Variants in FGF13 observed in about 807,000 individuals in gnomAD.
The protein encoded by FGF13 is fibroblast growth factor 13, also known as fibroblast growth factor homologous factor 2.
Under a neutral mutation model 19.5 loss-of-function variants are expected in FGF13, and 2 were observed. The observed-to-expected ratio is 0.10, with a 90% CI of 0.04 to 0.32. FGF13 has a LOEUF of 0.32. FGF13 is among the 10% of genes least tolerant of loss of function. The pLI is 1.00. For missense variants in FGF13, 113 were observed against 192.7 expected, an observed-to-expected ratio of 0.59 and a Z score of 2.45; for synonymous variants, 72 against 76.9, an observed-to-expected ratio of 0.94 and a Z score of 0.33.
chrX:138,955,792 T>A (rs2091838309), intron 1 of FGF13, among the ~76,000 whole-genome samples: 1 of 112,289 alleles, frequency 8.9e-6, no homozygotes, highest in Admixed American at 9.4e-5. Context: ...AGTCTTCAAC[T>A]CAGGAAGTCT....
intron 1 of FGF13, among the ~76,000 whole-genome samples, chrX:139,084,697 T>C (rs780316686): frequency 8.9e-5 from 10 of 112,045 alleles, no homozygotes; most frequent in Admixed American, 3.8e-4. Context: ...AAAACATTGG[T>C]CCTGGGGGCT....
chrX:139,074,310 G>A (rs956734002), intron 1 of FGF13, among the ~76,000 whole-genome samples: 1 of 112,477 alleles, frequency 8.9e-6, no homozygotes, highest in African/African-American at 3.2e-5. Context: ...TAAATCAAGT[G>A]TGGACATAAA....
intron 2 of FGF13, among the ~76,000 whole-genome samples, chrX:138,860,112 A>AT (rs1334333666): frequency 8.9e-6 from 1 of 111,828 alleles, no homozygotes; most frequent in Non-Finnish European, 1.9e-5. Context: ...AGAAACACTG[A>AT]TTTTTTTAAA....
intron 1 of FGF13, among the ~76,000 whole-genome samples, chrX:138,719,295 T>C (rs1457706242): frequency 8.9e-6 from 1 of 112,066 alleles, no homozygotes; most frequent in Non-Finnish European, 1.9e-5. Flanking sequence ...AAATAATACA[T>C]ATGATCTATG....
At chrX:138,773,035 T>TAAAAAAA (rs752536704) in intron 3 of FGF13, among the ~76,000 whole-genome samples, 2 of 97,099 alleles carry the variant, frequency 2.1e-5, no homozygotes, top group Non-Finnish European at 4.2e-5. Context: ...CTATATTTAG[T>TAAAAAAA]AAAAAAAAAA....
chrX:138,666,944 G>C lies in FGF13; in HGVS notation c.403-31289C>G, dbSNP rs1276448708. Reference sequence around the variant, plus strand: ...ATTACTATTCAACCACTAAAATGTAGATTAAGAATAATATTTTAATATATA... The same window carrying C: ...ATTACTATTCAACCACTAAAATGTACATTAAGAATAATATTTTAATATATA... On this transcript the variant is annotated intron_variant, in intron 3 of 4. Transcript: ENST00000315930. Among the ~76,000 whole-genome samples the C allele has an allele frequency of 4.6e-5, 5 of 109,392 alleles. No homozygotes were observed. The East Asian group carries it at 8.6e-4, about 19-fold the overall frequency. The allele number at this position is 109,392 out of a possible 115,157, so 95.0% of individuals were successfully genotyped here.
intron 1 of FGF13, among the ~76,000 whole-genome samples, chrX:139,079,148 G>T (rs188027940): frequency 9.0e-6 from 1 of 111,717 alleles, no homozygotes; most frequent in Non-Finnish European, 1.9e-5. Flanking sequence ...TTATGTTGAT[G>T]AAATAGGCCT....
intron 1 of FGF13, among the ~76,000 whole-genome samples, chrX:139,141,640 T>G (rs2083846360): frequency 8.9e-6 from 1 of 111,952 alleles, no homozygotes. Context: ...TAATGACCCC[T>G]CCACATTCTT....
chrX:139,025,201 A>C, intron 1 of FGF13, among the ~76,000 whole-genome samples: 1 of 112,008 alleles, frequency 8.9e-6, no homozygotes, highest in Non-Finnish European at 1.9e-5. Context: ...TTTCTGATTT[A>C]CACAGCAAGA....
At chrX:138,986,380 T>G (rs916189170) in intron 1 of FGF13, among the ~76,000 whole-genome samples, 1 of 111,446 alleles carries the variant, frequency 9.0e-6, no homozygotes, top group Non-Finnish European at 1.9e-5. Flanking sequence ...AGGTCTAAGA[T>G]CGAACAATGA....
At chrX:139,030,461 T>C (rs1464009956) in intron 1 of FGF13, among the ~76,000 whole-genome samples, 1 of 111,836 alleles carries the variant, frequency 8.9e-6, no homozygotes, top group African/African-American at 3.3e-5. Flanking sequence ...AGTTATCTAC[T>C]GCTGTGTAAA....
chrX:138,951,998 C>G (rs1185856461), intron 1 of FGF13, among the ~76,000 whole-genome samples: 1 of 111,657 alleles, frequency 9.0e-6, no homozygotes, highest in Non-Finnish European at 1.9e-5. Context: ...AATGGCCATA[C>G]TGCCCAAGGT....
chrX:139,116,942 T>C (rs1249559583), intron 1 of FGF13, among the ~76,000 whole-genome samples: 2 of 111,338 alleles, frequency 1.8e-5, no homozygotes, highest in Non-Finnish European at 3.8e-5. Context: ...GCTACCAAGT[T>C]GAACATTAAA....
chrX:138,928,302 A>C lies in FGF13; in HGVS notation c.-112-63652T>G, dbSNP rs185181788. ...AATTTTAATAAATACATAATTTATAAATTTTAAAATTAAATAATTTAAATA... is the reference window on the plus strand; with the variant it reads ...AATTTTAATAAATACATAATTTATACATTTTAAAATTAAATAATTTAAATA... On this transcript the variant is annotated intron_variant, in intron 1 of 2. Coordinates refer to the FGF13 transcript ENST00000421460. Among the ~76,000 whole-genome samples, 633 of 110,222 alleles carry C rather than the reference A, an allele frequency of 5.7e-3. 2 individuals carry two copies. The highest frequency in any genetic ancestry group is 0.02 in the African/African-American group (611 of 30,618).
chrX:139,195,692 T>G (rs2084365521), intron 1 of FGF13, among the ~76,000 whole-genome samples: 1 of 112,377 alleles, frequency 8.9e-6, no homozygotes, highest in African/African-American at 3.2e-5. Flanking sequence ...AGTTCTACAA[T>G]ACAGATAAAT....
intron 1 of FGF13, among the ~76,000 whole-genome samples, chrX:139,001,945 C>T (rs1288374189): frequency 1.8e-5 from 2 of 111,712 alleles, no homozygotes; most frequent in Non-Finnish European, 3.8e-5. Flanking sequence ...AACCCAAATG[C>T]CCATCAATGA....
At chrX:139,011,230 G>A (rs2092126601) in intron 1 of FGF13, among the ~76,000 whole-genome samples, 2 of 110,276 alleles carry the variant, frequency 1.8e-5, no homozygotes, top group African/African-American at 6.6e-5. Flanking sequence ...GACATTCAAA[G>A]AAGAATTGGT....
At chrX:138,650,393 T>C (rs2089356563) in intron 3 of FGF13, among the ~76,000 whole-genome samples, 1 of 112,010 alleles carries the variant, frequency 8.9e-6, no homozygotes, top group South Asian at 3.7e-4. Flanking sequence ...AAATAACTTT[T>C]GTTGAAACCT....
At position 138,711,512 on chromosome X, in the gene FGF13, G is replaced by A. The variant is rs982388883; in HGVS notation, c.-509C>T. The A allele has an allele frequency of 4.0e-6, 3 of 755,820 alleles. No homozygotes were observed. Among genetic ancestry groups the A allele is most frequent in the Non-Finnish European group, 4.7e-6 (3 of 639,605 alleles). 62.3% of individuals were successfully genotyped at this position (755,820 alleles called of 1,213,427 possible). A position where few individuals can be genotyped will look rare whatever the true frequency, so the allele number is the denominator to read the frequency against. On this transcript the variant is annotated 5_prime_UTR_variant, in exon 1 of 5. Coordinates refer to ENST00000315930, the MANE Select transcript of FGF13 (RefSeq NM_004114.5). ...GGGACGAGGCAGCGCGCGGGGGAGCGCGCCCTCGCCCTGGCCCCTCCGAGT... is the reference window on the plus strand; with the variant it reads ...GGGACGAGGCAGCGCGCGGGGGAGCACGCCCTCGCCCTGGCCCCTCCGAGT...
Sources: allele counts gnomAD v4.1 joint callset (sites outside exome capture counted in the v4.1 genomes callset), GRCh38; gene constraint gnomAD v4.1.1; transcripts MANE v1.5; gene names NCBI Gene and HGNC (gene_info 2026-07-23, HGNC 2026-07-21).